CNTLN: variants seen among roughly 807,000 people sequenced by gnomAD.
CNTLN encodes the protein centlein, centrosomal protein.
CNTLN carries 212 observed loss-of-function variants against 180.0 expected under a neutral mutation model. The observed-to-expected ratio is 1.18, with a 90% CI of 1.05 to 1.32. The LOEUF (loss-of-function observed/expected upper bound fraction) is 1.32, where lower values mean the gene tolerates loss of function less well. Among genes scored for constraint, CNTLN ranks in the 40% most tolerant of loss-of-function variants. The probability of loss-of-function intolerance (pLI) is 0.00; values close to 1 mark genes in which losing one functional copy is unlikely to be tolerated. For synonymous variants in CNTLN, 722 were observed against 563.1 expected, an observed-to-expected ratio of 1.28 and a Z score of -3.99; for missense variants, 2,095 against 1,610.9, an observed-to-expected ratio of 1.30 and a Z score of -5.14.
At chr9:17,177,647 A>G (rs1820808447) in intron 2 of CNTLN, among the ~76,000 whole-genome samples, 1 of 151,658 alleles carries the variant, frequency 6.6e-6, no homozygotes, top group South Asian at 2.1e-4. Context: ...CTTTGCGGTG[A>G]GTGTTACAGC....
At chr9:17,330,603 T>C in intron 8 of CNTLN, 29 bp from the exon 9 acceptor site, 4 of 1,206,274 alleles carry the variant, frequency 3.3e-6, no homozygotes, top group Non-Finnish European at 4.6e-6. Flanking sequence ...AACATAGATA[T>C]CTATTTACAA....
chr9:17,512,510 T>G, the CNTLN span, among the ~76,000 whole-genome samples: 1 of 152,102 alleles, frequency 6.6e-6, no homozygotes, highest in Admixed American at 6.5e-5. Flanking sequence ...GACTACAAAA[T>G]AGGGGAGAGA....
At chr9:17,375,176 C>T (rs904852164) in intron 13 of CNTLN, among the ~76,000 whole-genome samples, 1 of 152,148 alleles carries the variant, frequency 6.6e-6, no homozygotes, top group Non-Finnish European at 1.5e-5. Context: ...TATAGAAAGA[C>T]AGACTTCACA....
At chr9:17,247,760 A>G (rs1432447098) in intron 5 of CNTLN, among the ~76,000 whole-genome samples, 2 of 120,638 alleles carry the variant, frequency 1.7e-5, no homozygotes, top group East Asian at 4.7e-4. Context: ...GGAATATTGG[A>G]TTTTGCCAAA....
intron 12 of CNTLN, among the ~76,000 whole-genome samples, chr9:17,358,485 A>C (rs989489263): frequency 6.6e-6 from 1 of 152,150 alleles, no homozygotes; most frequent in East Asian, 1.9e-4. Context: ...ATATAGTTAC[A>C]CATAACTGCA....
intron 5 of CNTLN, among the ~76,000 whole-genome samples, chr9:17,266,413 T>C (rs1827449014): frequency 6.6e-6 from 1 of 152,184 alleles, no homozygotes; most frequent in Admixed American, 6.5e-5. Context: ...CAGTTTGTTA[T>C]AATTTCTGTT....
chr9:17,452,065 G>A (rs1450729307), intron 18 of CNTLN, among the ~76,000 whole-genome samples: 6 of 152,154 alleles, frequency 3.9e-5, no homozygotes, highest in African/African-American at 9.7e-5. Context: ...CAACATGTTC[G>A]TTGAATAGGC....
intron 6 of CNTLN, among the ~76,000 whole-genome samples, chr9:17,295,991 AGAGAGAGTGTGTGT>A (rs1366556420): frequency 3.0e-4 from 23 of 76,668 alleles, no homozygotes; most frequent in African/African-American, 2.6e-4. Context: ...AGAGAGAGAG[AGAGAGAGTGTGTGT>A]GTGTGTGTGT....
intron 13 of CNTLN, among the ~76,000 whole-genome samples, chr9:17,379,884 C>T (rs906927748): frequency 1.3e-5 from 2 of 152,138 alleles, no homozygotes; most frequent in African/African-American, 4.8e-5. Flanking sequence ...AAATGAATAC[C>T]TTAAGCCCCT....
intron 19 of CNTLN, among the ~76,000 whole-genome samples, chr9:17,460,776 A>C (rs1831404027): frequency 6.6e-6 from 1 of 151,814 alleles, no homozygotes; most frequent in African/African-American, 2.4e-5. Flanking sequence ...AGTTATCTTA[A>C]TATCTACTTA....
At chr9:17,272,089 T>C (rs9406667) in intron 5 of CNTLN, among the ~76,000 whole-genome samples, 28,857 of 138,332 alleles carry the variant, frequency 0.21, 3,720 homozygotes, top group East Asian at 0.44. Context: ...CTTTCCTTCC[T>C]TTCTTTCCCT....
At chr9:17,513,130 C>T in the CNTLN span, among the ~76,000 whole-genome samples, 2 of 151,996 alleles carry the variant, frequency 1.3e-5, no homozygotes, top group Non-Finnish European at 2.9e-5. Context: ...TCATTTTATA[C>T]TGGTTGAATT....
At chr9:17,249,350 TTTTG>T (rs1455831987) in intron 5 of CNTLN, among the ~76,000 whole-genome samples, 4,434 of 103,994 alleles carry the variant, frequency 0.043, 295 homozygotes, top group African/African-American at 0.15. Flanking sequence ...TGATTGTTTT[TTTTG>T]TTTTTTTTTT....
rs946721640 is a variant in CNTLN at position 17,261,675 on chromosome 9, G to C, written c.850-12058G>C. Reference sequence around the variant, plus strand: ...TGTCATTTATTTTTTTCTCTTGACTGATTGCTCTGGCTAGGACTTCTAGTA... The same window carrying C: ...TGTCATTTATTTTTTTCTCTTGACTCATTGCTCTGGCTAGGACTTCTAGTA... On this transcript the variant is annotated intron_variant, in intron 5 of 25. Transcript: ENST00000380647. Among the ~76,000 whole-genome samples the C allele has an allele frequency of 5.9e-5, 9 of 151,334 alleles. No individual in the cohort carries two copies. The Middle Eastern group carries it at 0.01, about 173-fold the overall frequency.
the CNTLN span, among the ~76,000 whole-genome samples, chr9:17,518,843 G>A: frequency 1.3e-5 from 2 of 152,194 alleles, no homozygotes; most frequent in Non-Finnish European, 2.9e-5. Flanking sequence ...CCAAGTGAGA[G>A]TGATGAACAG....
intron 15 of CNTLN, among the ~76,000 whole-genome samples, chr9:17,399,663 C>G (rs1826815621): frequency 6.6e-6 from 1 of 152,128 alleles, no homozygotes; most frequent in Non-Finnish European, 1.5e-5. Context: ...ATGATAACAA[C>G]TGATGGGGTT....
At chr9:17,198,526 C>G (rs1331134421) in intron 2 of CNTLN, among the ~76,000 whole-genome samples, 1 of 124,064 alleles carries the variant, frequency 8.1e-6, no homozygotes, top group African/African-American at 3.1e-5. Flanking sequence ...CATGGGATTA[C>G]TTTCTTGATT....
chr9:17,344,782 G>A (rs1042237663), intron 12 of CNTLN, among the ~76,000 whole-genome samples: 2 of 152,056 alleles, frequency 1.3e-5, no homozygotes, highest in Non-Finnish European at 2.9e-5. Context: ...TGTTTAATGT[G>A]CAATTTTATG....
At chr9:17,280,893 A>C (rs974208856) in intron 6 of CNTLN, among the ~76,000 whole-genome samples, 1 of 152,170 alleles carries the variant, frequency 6.6e-6, no homozygotes, top group Non-Finnish European at 1.5e-5. Context: ...AACTGTATAT[A>C]TCTGGTAGGC....
Sources: gnomAD v4.1 joint callset for allele counts (sites outside exome capture counted in the v4.1 genomes callset) on GRCh38, gnomAD v4.1.1 for gene constraint, MANE v1.5 for transcripts, NCBI Gene and HGNC (gene_info 2026-07-23, HGNC 2026-07-21) for gene names.